The following ADGRG6 variants were observed in gnomAD, a reference collection of about 807,000 sequenced individuals.
ADGRG6 encodes the protein G-protein coupled receptor 126.
ADGRG6 carries 84 observed loss-of-function variants against 142.4 expected under a neutral mutation model. The observed-to-expected ratio is 0.59, with a 90% CI of 0.49 to 0.71. ADGRG6 has a LOEUF of 0.71. Ranked by LOEUF, ADGRG6 falls within the 30% of genes least tolerant of loss-of-function variation. The probability of loss-of-function intolerance (pLI) is 0.00; values close to 1 mark genes in which losing one functional copy is unlikely to be tolerated. For synonymous variants in ADGRG6, 521 were observed against 520.5 expected, an observed-to-expected ratio of 1.00 and a Z score of -0.01; for missense variants, 1,367 against 1,466.6, an observed-to-expected ratio of 0.93 and a Z score of 1.11.
chr6:142,427,631 AC>A (rs1277303752), intron 22 of ADGRG6, among the ~76,000 whole-genome samples: 1 of 152,070 alleles, frequency 6.6e-6, no homozygotes, highest in East Asian at 1.9e-4. Context: ...GTACCAATTT[AC>A]TGTATTAGTC....
intron 2 of ADGRG6, among the ~76,000 whole-genome samples, chr6:142,346,805 C>G (rs1273885405): frequency 7.3e-6 from 1 of 137,288 alleles, no homozygotes; most frequent in Non-Finnish European, 1.5e-5. Context: ...TGCTCTCACT[C>G]GTAAGTGGGA....
intron 2 of ADGRG6, among the ~76,000 whole-genome samples, chr6:142,361,890 G>A (rs1413077732): frequency 6.6e-6 from 1 of 151,894 alleles, no homozygotes; most frequent in Non-Finnish European, 1.5e-5. Context: ...GTGGGTGTGT[G>A]TACATATGCA....
At chr6:142,329,890 T>A (rs1052893034) in intron 2 of ADGRG6, among the ~76,000 whole-genome samples, 2 of 152,164 alleles carry the variant, frequency 1.3e-5, no homozygotes, top group African/African-American at 4.8e-5. Context: ...AGGAGGAGGC[T>A]GGGAAGACAG....
chr6:142,428,497 A>G (rs1281931137), intron 22 of ADGRG6, among the ~76,000 whole-genome samples: 1 of 152,162 alleles, frequency 6.6e-6, no homozygotes, highest in African/African-American at 2.4e-5. Flanking sequence ...TAGTTTTCAC[A>G]CTGCTATATA....
chr6:142,335,828 A>C (rs777156216), intron 2 of ADGRG6, among the ~76,000 whole-genome samples: 1 of 152,120 alleles, frequency 6.6e-6, no homozygotes, highest in Non-Finnish European at 1.5e-5. Flanking sequence ...AAGAAGAAAA[A>C]CCAAGAGAAT....
intron 22 of ADGRG6, among the ~76,000 whole-genome samples, chr6:142,436,608 G>C (rs943151657): frequency 4.6e-5 from 7 of 152,102 alleles, no homozygotes; most frequent in Admixed American, 2.6e-4. Flanking sequence ...GGAGGTTAAG[G>C]GAGGAATTTT....
chr6:142,359,573 C>T (rs1432806211), intron 2 of ADGRG6, among the ~76,000 whole-genome samples: 1 of 152,178 alleles, frequency 6.6e-6, no homozygotes, highest in Non-Finnish European at 1.5e-5. Context: ...AGAAATGGTA[C>T]TGTTTCTATG....
At chr6:142,430,806 A>G (rs1777174401) in intron 22 of ADGRG6, among the ~76,000 whole-genome samples, 1 of 152,216 alleles carries the variant, frequency 6.6e-6, no homozygotes, top group South Asian at 2.1e-4. Flanking sequence ...GAGATTTTTC[A>G]GAATGTTTCT....
intron 2 of ADGRG6, among the ~76,000 whole-genome samples, chr6:142,329,529 C>T (rs773873990): frequency 2.0e-5 from 3 of 152,030 alleles, no homozygotes; most frequent in Admixed American, 6.6e-5. Flanking sequence ...TGTTACCTTA[C>T]GAGATCATCA....
intron 22 of ADGRG6, among the ~76,000 whole-genome samples, chr6:142,421,361 T>C (rs1394827607): frequency 6.6e-6 from 1 of 152,196 alleles, no homozygotes; most frequent in African/African-American, 2.4e-5. Flanking sequence ...AAAGGAAGTA[T>C]GTAGGCTCAT....
At chr6:142,396,505 T>G (rs1401833064) in intron 9 of ADGRG6, among the ~76,000 whole-genome samples, 1 of 152,212 alleles carries the variant, frequency 6.6e-6, no homozygotes, top group Non-Finnish European at 1.5e-5. Context: ...ATTTCACATA[T>G]TCCTTCTTAT....
At chr6:142,425,300 GA>G (rs2115128435) in intron 22 of ADGRG6, among the ~76,000 whole-genome samples, 1 of 152,288 alleles carries the variant, frequency 6.6e-6, no homozygotes, top group African/African-American at 2.4e-5. Context: ...AGTGTTTGGG[GA>G]AAAGTTGGTC....
At chr6:142,324,338 A>G (rs1179863604) in intron 2 of ADGRG6, among the ~76,000 whole-genome samples, 1 of 152,056 alleles carries the variant, frequency 6.6e-6, no homozygotes, top group African/African-American at 2.4e-5. Flanking sequence ...ATTGGCATTG[A>G]AGTTCCCTCA....
chr6:142,359,043 T>A (rs1055382712), intron 2 of ADGRG6, among the ~76,000 whole-genome samples: 8 of 143,372 alleles, frequency 5.6e-5, no homozygotes, highest in South Asian at 4.5e-4. Context: ...CCCTCTACAA[T>A]TAAAAAAAAA....
intron 4 of ADGRG6, among the ~76,000 whole-genome samples, chr6:142,381,036 G>A (rs138604042): frequency 1.3e-5 from 2 of 152,198 alleles, no homozygotes; most frequent in African/African-American, 4.8e-5. Flanking sequence ...GAGGTATCAA[G>A]GATGAAGAAA....
At chr6:142,339,684 G>C (rs1028382251) in intron 2 of ADGRG6, among the ~76,000 whole-genome samples, 1 of 152,138 alleles carries the variant, frequency 6.6e-6, no homozygotes, top group Admixed American at 6.5e-5. Context: ...AGCCATGCTC[G>C]TAGGATGTTT....
intron 1 of ADGRG6, among the ~76,000 whole-genome samples, 197 bp from the exon 2 acceptor site, chr6:142,309,347 G>A (rs921804672): frequency 1.3e-5 from 2 of 151,806 alleles, no homozygotes; most frequent in Non-Finnish European, 2.9e-5. Context: ...AAAATGCATG[G>A]ATTTATTTTC....
intron 14 of ADGRG6, chr6:142,405,441 T>C (rs771956772): frequency 4.7e-5 from 28 of 590,290 alleles, no homozygotes; most frequent in Non-Finnish European, 8.0e-5. Context: ...ATAGATTTCT[T>C]CCTATGTCTT....
chr6:142,374,837 A>G (rs142575761), intron 4 of ADGRG6, among the ~76,000 whole-genome samples: 122 of 152,376 alleles, frequency 8.0e-4, no homozygotes, highest in Non-Finnish European at 1.4e-3. Context: ...ATGTTTTAAT[A>G]TAGGTATACA....
Sources: gnomAD v4.1 joint callset for allele counts (sites outside exome capture counted in the v4.1 genomes callset) on GRCh38, gnomAD v4.1.1 for gene constraint, MANE v1.5 for transcripts, NCBI Gene and HGNC (gene_info 2026-07-23, HGNC 2026-07-21) for gene names.